Variants in ZNF638 observed in about 807,000 individuals in gnomAD.
ZNF638 encodes the protein CTCL tumor antigen se33-1.
ZNF638 carries 46 observed loss-of-function variants against 195.6 expected under a neutral mutation model. That is an observed-to-expected ratio of 0.24 (90% CI 0.19 to 0.30). The LOEUF is 0.30. ZNF638 is among the 10% of genes least tolerant of loss of function. The pLI is 1.00. For synonymous variants in ZNF638, 845 were observed against 772.0 expected, an observed-to-expected ratio of 1.09 and a Z score of -1.57; for missense variants, 2,440 against 2,325.3, an observed-to-expected ratio of 1.05 and a Z score of -1.01.
At chr2:71,430,585 C>T (rs929702165) in intron 25 of ZNF638, among the ~76,000 whole-genome samples, 3 of 152,148 alleles carry the variant, frequency 2.0e-5, no homozygotes, top group Non-Finnish European at 4.4e-5. Context: ...CTGTTTATTA[C>T]CTCTTTTGAT....
At chr2:71,332,360 C>G (rs1443985049) in intron 1 of ZNF638, among the ~76,000 whole-genome samples, 1 of 152,220 alleles carries the variant, frequency 6.6e-6, no homozygotes, top group Non-Finnish European at 1.5e-5. Flanking sequence ...GCCCTCTGAC[C>G]AGCGACATTG....
chr2:71,341,164 C>T (rs557344654), intron 1 of ZNF638, among the ~76,000 whole-genome samples: 92 of 152,330 alleles, frequency 6.0e-4, no homozygotes, highest in African/African-American at 2.1e-3. Context: ...CTTTTCAATT[C>T]ATCAAGCCGT....
intron 20 of ZNF638, among the ~76,000 whole-genome samples, chr2:71,414,196 T>C (rs2080271744): frequency 1.2e-5 from 1 of 83,360 alleles, no homozygotes; most frequent in Non-Finnish European, 2.2e-5. Flanking sequence ...CTTCCTGGTT[T>C]AGTCTTGGGA....
At position 71,419,477 on chromosome 2, in the gene ZNF638, C is replaced by T. The variant is rs114461351; in HGVS notation, c.3299+838C>T. Reference sequence around the variant, plus strand: ...ATCCCTGAAAAACAGAACGTCTTAGCGGATTTTTCTTCTCAGTAATTTTTA... The same window carrying T: ...ATCCCTGAAAAACAGAACGTCTTAGTGGATTTTTCTTCTCAGTAATTTTTA... On this transcript the variant is annotated intron_variant, in intron 21 of 27. Coordinates refer to ENST00000264447, the MANE Select transcript of ZNF638 (RefSeq NM_014497.5). 8.8e-3 allele frequency among the ~76,000 whole-genome samples: 1,345 copies of T among 152,226 alleles called. 21 individuals carry two copies. Among genetic ancestry groups the T allele is most frequent in the African/African-American group, 0.031 (1,278 of 41,512 alleles).
chr2:71,384,818 T>G, intron 10 of ZNF638, among the ~76,000 whole-genome samples: 2 of 152,344 alleles, frequency 1.3e-5, no homozygotes, highest in South Asian at 4.1e-4. Context: ...ATGTTTATTG[T>G]GAAAATTTTA....
intron 20 of ZNF638, 104 bp from the exon 21 acceptor site, chr2:71,418,498 G>GTTT (rs72207075): frequency 0.011 from 7,038 of 639,206 alleles, 14 homozygotes; most frequent in African/African-American, 0.014. Context: ...CATTTTTAAG[G>GTTT]TTTTTTTTTT....
rs772401193 is a variant in ZNF638, at chr2:71,428,625, G to C, written c.5624G>C (p.Gly1875Ala). 6.2e-7 allele frequency: 1 copy of C among 1,614,032 alleles called. No individual in the cohort carries two copies. The highest frequency in any genetic ancestry group is 8.5e-7 in the Non-Finnish European group (1 of 1,179,976). The change falls in exon 25 of 28, where the codon GGT becomes GCT. Residue 1875 changes from glycine (G) to alanine (A), a missense_variant. Coordinates refer to ENST00000264447, the MANE Select transcript of ZNF638 (RefSeq NM_014497.5). ...EKAVVTEPAK[G>A]EEAFQMSEVD... The stretch of plus-strand genomic sequence containing the variant: ...GCTGTTGTGACAGAACCAGCAAAAG[G>C]TGAAGAGGCCTTCCAGATGAGTGAA...
In ZNF638 at chr2:71,427,313, A is replaced by G; in HGVS notation, c.5444A>G (p.Asp1815Gly). 1 of 1,611,710 alleles carries G rather than the reference A, an allele frequency of 6.2e-7. No homozygotes were observed. The highest frequency in any genetic ancestry group is 8.5e-7 in the Non-Finnish European group (1 of 1,179,540). The change falls in exon 24 of 28, where the codon GAC becomes GGC. Residue 1815 changes from aspartate (D) to glycine (G), a missense_variant. By Grantham distance (94) the Asp-to-Gly change is moderately conservative. Around this residue, in one of 5 missense-constraint regions of ZNF638, gnomAD observed 1,883 missense variants for 1,739.1 expected, o/e 1.08. Coordinates refer to ENST00000264447, the MANE Select transcript of ZNF638 (RefSeq NM_014497.5). Reference sequence around the variant, plus strand: ...GGGAATAGAAAGAAGAGAGCTGTGGACACAAAAAAGACAAAACTTGAATCC... The same window carrying G: ...GGGAATAGAAAGAAGAGAGCTGTGGGCACAAAAAAGACAAAACTTGAATCC... The part of the protein sequence containing the change: ...KKGNRKKRAV[D>G]TKKTKLESLS...
chr2:71,410,952 G>A (rs1175234972), intron 20 of ZNF638, among the ~76,000 whole-genome samples: 1 of 140,244 alleles, frequency 7.1e-6, no homozygotes, highest in African/African-American at 2.6e-5. Context: ...CCTGCTTTTA[G>A]AGCAGGAAGT....
chr2:71,383,655 A>G (rs1425457474), intron 10 of ZNF638, among the ~76,000 whole-genome samples: 3 of 145,592 alleles, frequency 2.1e-5, no homozygotes, highest in Non-Finnish European at 4.5e-5. Flanking sequence ...GCTCACTGCA[A>G]CCCGTGCCTC....
intron 10 of ZNF638, among the ~76,000 whole-genome samples, chr2:71,385,691 G>A (rs1421144974): frequency 6.6e-6 from 1 of 152,200 alleles, no homozygotes; most frequent in Non-Finnish European, 1.5e-5. Context: ...TCAGTTTTCT[G>A]TCTGTGATAC....
At position 71,408,304 on chromosome 2, in the gene ZNF638, G is replaced by T; in HGVS notation, c.3261+57G>T. 8 of 1,562,644 alleles carry T rather than the reference G, an allele frequency of 5.1e-6. No individual in the cohort carries two copies. In the South Asian group the frequency reaches 9.7e-5, roughly 19 times the overall value. On this transcript the variant is annotated intron_variant, in intron 20 of 27. Transcript: ENST00000264447. ...TTTAGAAAATACAGAGAACATAAAG[G>T]TCATTCTCAGGTAGTAGTCAAACTG...
intron 8 of ZNF638, among the ~76,000 whole-genome samples, chr2:71,370,548 A>T (rs113728566): frequency 2.0e-5 from 3 of 152,142 alleles, no homozygotes; most frequent in African/African-American, 7.2e-5. Context: ...AATTACTTTA[A>T]ATTACCCTTT....
intron 21 of ZNF638, among the ~76,000 whole-genome samples, chr2:71,420,323 A>G (rs1426101211): frequency 6.6e-6 from 1 of 152,202 alleles, no homozygotes; most frequent in Non-Finnish European, 1.5e-5. Context: ...GGATACATTC[A>G]TAATTTAATA....
In ZNF638 at chr2:71,434,884, T is replaced by A; in HGVS notation, c.*77T>A. 7.4e-7 allele frequency: 1 copy of A among 1,353,846 alleles called. No individual in the cohort carries two copies. Among genetic ancestry groups the A allele is most frequent in the Non-Finnish European group, 1.0e-6 (1 of 990,606 alleles). 83.9% of individuals were successfully genotyped at this position (1,353,846 alleles called of 1,614,324 possible). On this transcript the variant is annotated 3_prime_UTR_variant, in exon 28 of 28. Coordinates refer to ENST00000264447, the MANE Select transcript of ZNF638 (RefSeq NM_014497.5). ...TGTGTATTTTTGTTATCATTTAATT[T>A]GTAATTTTCGTTTCAGAAGCAAATA... is the stretch of plus-strand genomic sequence containing the variant.
intron 10 of ZNF638, among the ~76,000 whole-genome samples, chr2:71,383,324 A>G (rs1164118423): frequency 6.6e-6 from 1 of 152,142 alleles, no homozygotes; most frequent in Non-Finnish European, 1.5e-5. Flanking sequence ...TCAAAAAAAT[A>G]TATTGTTCTC....
intron 21 of ZNF638, among the ~76,000 whole-genome samples, chr2:71,419,799 G>T (rs2080386122): frequency 6.6e-6 from 1 of 152,044 alleles, no homozygotes; most frequent in African/African-American, 2.4e-5. Flanking sequence ...TTTGAGGTCT[G>T]CATGAAAAGT....
At chr2:71,424,111 G>A in intron 22 of ZNF638, 73 bp downstream of exon 22, 3 of 1,520,298 alleles carry the variant, frequency 2.0e-6, no homozygotes, top group East Asian at 2.3e-5. Flanking sequence ...TATGTAGTAG[G>A]AGATGTAATT....
chr2:71,423,537 A>G lies in ZNF638; in HGVS notation c.4023A>G (p.Glu1341=). The change falls in exon 22 of 28, where the codon GAA becomes GAG. Residue 1341 remains glutamate (E), a synonymous_variant. Transcript: ENST00000264447. The part of the protein sequence containing the change: ...AEKNEGRMDA[E]KVEKMAAMKE... ...AGAATGAAGGTAGGATGGATGCAGA[A>G]AAGGTGGAAAAGATGGCAGCAATGA... 6.2e-7 allele frequency: 1 copy of G among 1,614,092 alleles called. No homozygotes were observed. Among genetic ancestry groups the G allele is most frequent in the African/African-American group, 1.3e-5 (1 of 75,064 alleles).
Sources: gnomAD v4.1 joint callset for allele counts (sites outside exome capture counted in the v4.1 genomes callset) on GRCh38, gnomAD v4.1.1 for gene constraint, gnomAD v4.1.1 regional missense constraint, MANE v1.5 for transcripts, NCBI Gene and HGNC (gene_info 2026-07-23, HGNC 2026-07-21) for gene names.